Variants in SEMA6D observed in about 807,000 individuals in gnomAD.
SEMA6D encodes semaphorin-6D.
Under a neutral mutation model 106.6 loss-of-function variants are expected in SEMA6D, and 35 were observed. The ratio of observed to expected loss-of-function variants is 0.33; its 90% CI spans 0.25 to 0.44. The LOEUF is 0.44. SEMA6D is among the 20% of genes least tolerant of loss of function. The pLI is 1.00. For missense variants in SEMA6D, 1,185 were observed against 1,345.9 expected, an observed-to-expected ratio of 0.88 and a Z score of 1.87; for synonymous variants, 499 against 487.7, an observed-to-expected ratio of 1.02 and a Z score of -0.31.
intron 3 of SEMA6D, among the ~76,000 whole-genome samples, chr15:47,519,841 T>C (rs1337185748): frequency 6.6e-6 from 1 of 152,254 alleles, no homozygotes; most frequent in Non-Finnish European, 1.5e-5. Flanking sequence ...GTGAGGCCTA[T>C]GAAGTTCTTT....
intron 3 of SEMA6D, among the ~76,000 whole-genome samples, chr15:47,591,353 A>C (rs7164326): frequency 0.24 from 35,776 of 152,096 alleles, 5,192 homozygotes; most frequent in East Asian, 0.46. Flanking sequence ...ACAAACATGC[A>C]ACCCAGTAGC....
intron 1 of SEMA6D, among the ~76,000 whole-genome samples, chr15:47,319,128 G>C (rs2143571744): frequency 6.6e-6 from 1 of 152,114 alleles, no homozygotes; most frequent in African/African-American, 2.4e-5. Flanking sequence ...CAGCCTACTA[G>C]TAAGCCCCTA....
At chr15:47,371,442 C>G (rs2039269426) in intron 1 of SEMA6D, among the ~76,000 whole-genome samples, 1 of 152,152 alleles carries the variant, frequency 6.6e-6, no homozygotes. Context: ...ATGTGTTGAT[C>G]ACTCTCTTCT....
At chr15:47,223,337 C>A (rs999464914) in intron 1 of SEMA6D, among the ~76,000 whole-genome samples, 2 of 152,070 alleles carry the variant, frequency 1.3e-5, no homozygotes, top group Non-Finnish European at 2.9e-5. Flanking sequence ...TTCTACTTTT[C>A]ATCGGTTTTC....
chr15:47,582,512 C>T (rs972498130), intron 3 of SEMA6D, among the ~76,000 whole-genome samples: 1 of 152,164 alleles, frequency 6.6e-6, no homozygotes, highest in South Asian at 2.1e-4. Context: ...GCAAAAGAGG[C>T]AGCTGCCTAT....
At chr15:47,669,967 C>G (rs965793128) in intron 4 of SEMA6D, among the ~76,000 whole-genome samples, 1 of 152,226 alleles carries the variant, frequency 6.6e-6, no homozygotes, top group African/African-American at 2.4e-5. Flanking sequence ...AGTCCCTGTC[C>G]TTGTTCAGTT....
chr15:47,275,435 T>A (rs1190493078), intron 1 of SEMA6D, among the ~76,000 whole-genome samples: 1 of 152,194 alleles, frequency 6.6e-6, no homozygotes, highest in African/African-American at 2.4e-5. Context: ...AGTGCAATTT[T>A]TCCAACATGT....
chr15:47,661,203 A>T (rs1486389929), intron 4 of SEMA6D, among the ~76,000 whole-genome samples: 2 of 152,226 alleles, frequency 1.3e-5, no homozygotes, highest in Non-Finnish European at 2.9e-5. Context: ...TTTCCTAAGA[A>T]ATGTATACAA....
At chr15:47,445,333 T>C (rs1596014036) in intron 2 of SEMA6D, among the ~76,000 whole-genome samples, 1 of 152,062 alleles carries the variant, frequency 6.6e-6, no homozygotes, top group Non-Finnish European at 1.5e-5. Flanking sequence ...TACCCAGTAT[T>C]TCCCTGTCTC....
At chr15:47,513,536 C>G (rs886716967) in intron 3 of SEMA6D, among the ~76,000 whole-genome samples, 1 of 152,144 alleles carries the variant, frequency 6.6e-6, no homozygotes, top group African/African-American at 2.4e-5. Context: ...TCCAGGAAAA[C>G]AGACCAGTCG....
At chr15:47,462,702 A>G (rs184486330) in intron 2 of SEMA6D, among the ~76,000 whole-genome samples, 5 of 152,224 alleles carry the variant, frequency 3.3e-5, no homozygotes, top group African/African-American at 9.6e-5. Context: ...TCTGTGAGCC[A>G]TAGCGAATTG....
At chr15:47,390,724 C>T (rs1303420648) in intron 1 of SEMA6D, among the ~76,000 whole-genome samples, 1 of 152,158 alleles carries the variant, frequency 6.6e-6, no homozygotes, top group Admixed American at 6.5e-5. Context: ...TTTGTGAAGA[C>T]ATTAGTAGGT....
chr15:47,700,439 G>A (rs867444534), intron 4 of SEMA6D, among the ~76,000 whole-genome samples: 14 of 152,220 alleles, frequency 9.2e-5, no homozygotes, highest in South Asian at 4.1e-4. Flanking sequence ...AGAAGGTTGA[G>A]GTGGGAGGAC....
At chr15:47,289,393 CAAA>C (rs746946975) in intron 1 of SEMA6D, among the ~76,000 whole-genome samples, 4 of 46,542 alleles carry the variant, frequency 8.6e-5, no homozygotes, top group Non-Finnish European at 1.3e-4. Flanking sequence ...AACTCCATCT[CAAA>C]AAAAAAAAAA....
chr15:47,246,489 G>T (rs1439085700), intron 1 of SEMA6D, among the ~76,000 whole-genome samples: 1 of 152,114 alleles, frequency 6.6e-6, no homozygotes, highest in Admixed American at 6.5e-5. Flanking sequence ...GTCCAACAGG[G>T]TTGCATTCCT....
At chr15:47,241,376 T>C (rs1313583030) in intron 1 of SEMA6D, 2 of 152,168 alleles carry the variant, frequency 1.3e-5, no homozygotes, top group East Asian at 3.9e-4. Flanking sequence ...TGTATGTAAG[T>C]GGTCACCACC....
chr15:47,458,182 A>C (rs1488557025), intron 2 of SEMA6D, among the ~76,000 whole-genome samples: 1 of 152,018 alleles, frequency 6.6e-6, no homozygotes, highest in Admixed American at 6.6e-5. Context: ...ACTCTTAAAA[A>C]TCTCTTTAAA....
At chr15:47,343,141 C>G (rs964364669) in intron 1 of SEMA6D, among the ~76,000 whole-genome samples, 1 of 151,940 alleles carries the variant, frequency 6.6e-6, no homozygotes, top group Non-Finnish European at 1.5e-5. Context: ...TAGGGCTCCC[C>G]AAATTTAGAG....
intron 1 of SEMA6D, among the ~76,000 whole-genome samples, chr15:47,749,824 A>C (rs2081335780): frequency 6.6e-6 from 1 of 152,182 alleles, no homozygotes; most frequent in South Asian, 2.1e-4. Context: ...CCGGAATGGA[A>C]CTGGGAAGAA....
Sources: gnomAD v4.1 joint callset for allele counts (sites outside exome capture counted in the v4.1 genomes callset) on GRCh38, gnomAD v4.1.1 for gene constraint, MANE v1.5 for transcripts, NCBI Gene and HGNC (gene_info 2026-07-23, HGNC 2026-07-21) for gene names.